Variants in TRPC4 observed in about 807,000 individuals in gnomAD.
The protein encoded by TRPC4 is transient receptor potential cation channel subfamily C member 4, also known as short transient receptor potential channel 4.
Under a neutral mutation model 99.4 loss-of-function variants are expected in TRPC4, and 49 were observed. The observed-to-expected ratio is 0.49, with a 90% CI of 0.39 to 0.63. The LOEUF (loss-of-function observed/expected upper bound fraction) is 0.63. TRPC4 is among the 20% of genes least tolerant of loss of function. TRPC4 has a pLI of 0.00. For synonymous variants in TRPC4, 454 were observed against 425.9 expected (o/e 1.07, Z -0.81); for missense variants, 898 against 1,152.9 (o/e 0.78, Z 3.20).
intron 1 of TRPC4, among the ~76,000 whole-genome samples, chr13:37,790,337 A>G (rs1195364742): frequency 6.6e-6 from 1 of 152,194 alleles, no homozygotes; most frequent in Non-Finnish European, 1.5e-5. Flanking sequence ...TCCCTTAGGG[A>G]CAGAAAATAT....
chr13:37,809,224 AC>A (rs1400401666), intron 1 of TRPC4, among the ~76,000 whole-genome samples: 1 of 152,076 alleles, frequency 6.6e-6, no homozygotes, highest in Non-Finnish European at 1.5e-5. Flanking sequence ...TTGAGAGTGT[AC>A]CCTTACTGAC....
intron 1 of TRPC4, among the ~76,000 whole-genome samples, chr13:37,813,872 A>G (rs1488717162): frequency 6.6e-6 from 1 of 151,856 alleles, no homozygotes; most frequent in Non-Finnish European, 1.5e-5. Context: ...ACCAAATACA[A>G]AGACATTACA....
chr13:37,831,930 T>C (rs1407653180), intron 1 of TRPC4, among the ~76,000 whole-genome samples: 1 of 152,056 alleles, frequency 6.6e-6, no homozygotes, highest in African/African-American at 2.4e-5. Context: ...GGATTCAAGG[T>C]TTCAGTTAAG....
chr13:37,683,929 A>T (rs1045237984), intron 4 of TRPC4, among the ~76,000 whole-genome samples: 3 of 152,194 alleles, frequency 2.0e-5, no homozygotes, highest in Non-Finnish European at 4.4e-5. Flanking sequence ...AATTTCAGAA[A>T]ATTTATGATA....
chr13:37,701,386 C>T (rs770228330), intron 3 of TRPC4, among the ~76,000 whole-genome samples: 12 of 152,298 alleles, frequency 7.9e-5, no homozygotes, highest in Non-Finnish European at 1.6e-4. Flanking sequence ...CCATCTCTCT[C>T]ATCTAGGTCT....
chr13:37,808,189 T>G (rs1442783058), intron 1 of TRPC4, among the ~76,000 whole-genome samples: 1 of 151,954 alleles, frequency 6.6e-6, no homozygotes, highest in Admixed American at 6.6e-5. Flanking sequence ...GTTCAAATGG[T>G]TCACTGAAGC....
intron 2 of TRPC4, among the ~76,000 whole-genome samples, chr13:37,766,234 T>A (rs1386327092): frequency 6.6e-6 from 1 of 151,412 alleles, no homozygotes; most frequent in Non-Finnish European, 1.5e-5. Context: ...ATTCTCTAAA[T>A]TGGATGCAGC....
intron 3 of TRPC4, among the ~76,000 whole-genome samples, chr13:37,716,320 T>G (rs1447348891): frequency 1.3e-5 from 2 of 152,180 alleles, no homozygotes; most frequent in Non-Finnish European, 2.9e-5. Flanking sequence ...TCATTAAAGA[T>G]GAGGTACCTT....
chr13:37,749,964 C>T (rs185868739), intron 2 of TRPC4, among the ~76,000 whole-genome samples: 40 of 152,202 alleles, frequency 2.6e-4, no homozygotes, highest in Non-Finnish European at 4.7e-4. Flanking sequence ...GTGCCTGCAC[C>T]TCACAAGCCT....
chr13:37,692,090 C>A lies in TRPC4; in HGVS notation c.1143G>T (p.Leu381=). 1 of 1,614,064 alleles carries A rather than the reference C, an allele frequency of 6.2e-7. No individual in the cohort carries two copies. The highest frequency in any genetic ancestry group is 8.5e-7 in the Non-Finnish European group (1 of 1,179,978). The change falls in exon 4 of 11, where the codon CTG becomes CTT. Residue 381 remains leucine (L), a synonymous_variant. Coordinates refer to ENST00000379705, the MANE Select transcript of TRPC4 (RefSeq NM_016179.4). ...ACCTGTCGATGTGCTGAGAGGCAAG[C>A]AGCAGCAGGAACAAAAAAGTCAAAT... The part of the protein sequence containing the change: ...ASYLTFLFLL[L]LASQHIDRSD...
intron 3 of TRPC4, among the ~76,000 whole-genome samples, chr13:37,699,724 A>G (rs1954042245): frequency 6.6e-6 from 1 of 152,240 alleles, no homozygotes; most frequent in South Asian, 2.1e-4. Context: ...ATCAGGATTC[A>G]AGGAAGAGCT....
At chr13:37,823,508 G>T (rs1039804262) in intron 1 of TRPC4, among the ~76,000 whole-genome samples, 27 of 150,316 alleles carry the variant, frequency 1.8e-4, no homozygotes, top group Admixed American at 5.4e-4. Flanking sequence ...AGTTTTCCCA[G>T]CACCATTTAT....
intron 7 of TRPC4, among the ~76,000 whole-genome samples, chr13:37,652,475 G>A (rs1056605648): frequency 5.8e-4 from 88 of 152,258 alleles, no homozygotes; most frequent in African/African-American, 2.0e-3. Flanking sequence ...AACAAGAATC[G>A]CCATACCTAG....
chr13:37,838,247 TG>T (rs1958624406), intron 1 of TRPC4, among the ~76,000 whole-genome samples: 1 of 152,230 alleles, frequency 6.6e-6, no homozygotes, highest in South Asian at 2.1e-4. Flanking sequence ...CTGAGCCAGC[TG>T]TTCTTAGTGT....
chr13:37,637,821 T>C (rs142509485), intron 10 of TRPC4, among the ~76,000 whole-genome samples, 196 bp from the exon 11 acceptor site: 45 of 152,252 alleles, frequency 3.0e-4, no homozygotes, highest in African/African-American at 1.1e-3. Context: ...AATTTCCTTA[T>C]TGGAATTGGG....
chr13:37,805,981 G>A (rs902678741), intron 1 of TRPC4, among the ~76,000 whole-genome samples: 1 of 152,020 alleles, frequency 6.6e-6, no homozygotes, highest in African/African-American at 2.4e-5. Flanking sequence ...AATCAGAGAT[G>A]TCATTAAAAT....
chr13:37,679,302 A>C (rs1305176775), intron 4 of TRPC4, among the ~76,000 whole-genome samples: 1 of 152,150 alleles, frequency 6.6e-6, no homozygotes, highest in Non-Finnish European at 1.5e-5. Flanking sequence ...CAACTCCAAA[A>C]AGTTAGTGTT....
At chr13:37,662,363 C>A (rs926584854) in intron 6 of TRPC4, among the ~76,000 whole-genome samples, 1 of 151,650 alleles carries the variant, frequency 6.6e-6, no homozygotes, top group African/African-American at 2.4e-5. Context: ...AAATCTATTT[C>A]TGAAAAAAAT....
chr13:37,723,243 G>A (rs1202484179), intron 3 of TRPC4, among the ~76,000 whole-genome samples: 4 of 152,058 alleles, frequency 2.6e-5, no homozygotes, highest in South Asian at 2.1e-4. Context: ...AATGTTGTAC[G>A]CCCAGACAAA....
Sources: allele counts gnomAD v4.1 joint callset (sites outside exome capture counted in the v4.1 genomes callset), GRCh38; gene constraint gnomAD v4.1.1; transcripts MANE v1.5; gene names NCBI Gene and HGNC (gene_info 2026-07-23, HGNC 2026-07-21).